The following RHOT1 variants were observed in gnomAD, a reference collection of about 807,000 sequenced individuals.
The protein encoded by RHOT1 is mitochondrial Rho GTPase 1.
In RHOT1, 27 loss-of-function variants were observed where a neutral mutation model predicts 95.3. That is an observed-to-expected ratio of 0.28 (90% CI 0.21 to 0.39). RHOT1 has a LOEUF of 0.39. Among genes scored for constraint, RHOT1 ranks in the 10% least tolerant of loss-of-function variants. The pLI is 1.00. For missense variants in RHOT1, 578 were observed against 786.7 expected (o/e 0.73, Z 3.17); for synonymous variants, 227 against 263.5 (o/e 0.86, Z 1.34).
At position 32,224,645 on chromosome 17, in the gene RHOT1, C is replaced by A. The variant is rs759496289; in HGVS notation, c.1892C>A (p.Ser631Tyr). 2 of 1,613,432 alleles carry A rather than the reference C, an allele frequency of 1.2e-6. No individual in the cohort carries two copies. Among genetic ancestry groups the A allele is most frequent in the Admixed American group, 1.7e-5 (1 of 59,982 alleles). ...GTGACACAAGCTGACCTCAAGAGCTCCACGTTTTGGCTTCGAGCAAGTTTT... is the reference window on the plus strand; with the variant it reads ...GTGACACAAGCTGACCTCAAGAGCTACACGTTTTGGCTTCGAGCAAGTTTT... ...RHVTQADLKS[S>Y]TFWLRASFGA... The change falls in exon 20 of 20, where the codon TCC (serine) becomes TAC (tyrosine). Residue 631 changes from serine to tyrosine, a missense_variant. Around this residue, in one of 4 missense-constraint regions of RHOT1, gnomAD observed 296 missense variants for 338.5 expected, o/e 0.87. Transcript: ENST00000545287.
At chr17:32,180,441 C>T (rs1457795162) in intron 6 of RHOT1, among the ~76,000 whole-genome samples, 1 of 151,876 alleles carries the variant, frequency 6.6e-6, no homozygotes, top group Non-Finnish European at 1.5e-5. Flanking sequence ...CTTTGTTAAA[C>T]AGATGCTTGA....
intron 8 of RHOT1, among the ~76,000 whole-genome samples, chr17:32,184,224 T>C (rs1028781356): frequency 7.2e-5 from 11 of 152,106 alleles, no homozygotes; most frequent in African/African-American, 2.7e-4. Context: ...CTGTACCTAT[T>C]AGCAGTCACT....
intron 12 of RHOT1, 75 bp from the exon 13 acceptor site, chr17:32,199,330 C>T: frequency 7.2e-7 from 1 of 1,383,510 alleles, no homozygotes; most frequent in Admixed American, 2.4e-5. Context: ...CATAGCTTTA[C>T]TAGATTGGGG....
chr17:32,165,336 C>CAAAAAAAAAAAAAAAA (rs773728913), intron 1 of RHOT1, among the ~76,000 whole-genome samples: 2 of 34,320 alleles, frequency 5.8e-5, no homozygotes, highest in East Asian at 8.6e-4. Flanking sequence ...GACTCCGTCT[C>CAAAAAAAAAAAAAAAA]AAAAAAAAAA....
At chr17:32,194,333 A>AG (rs1335112044) in intron 11 of RHOT1, among the ~76,000 whole-genome samples, 1 of 152,118 alleles carries the variant, frequency 6.6e-6, no homozygotes, top group Non-Finnish European at 1.5e-5. Context: ...ACACATGGGG[A>AG]GGTGGGCTTC....
intron 11 of RHOT1, among the ~76,000 whole-genome samples, chr17:32,198,438 G>A (rs548230418): frequency 2.0e-5 from 3 of 152,336 alleles, no homozygotes; most frequent in East Asian, 3.9e-4. Context: ...GCCTGCTACA[G>A]TGGCTTATGC....
intron 11 of RHOT1, among the ~76,000 whole-genome samples, chr17:32,198,603 A>G (rs1465978170): frequency 6.6e-6 from 1 of 152,146 alleles, no homozygotes; most frequent in African/African-American, 2.4e-5. Flanking sequence ...CAGCTACTCA[A>G]GAGGCTGAGA....
Position 32,175,441 on chromosome 17 carries a change from C to G in RHOT1, c.222+79C>G, listed in dbSNP as rs367617476. 3.0e-6 allele frequency: 4 copies of G among 1,327,222 alleles called. No homozygotes were observed. In the African/African-American group the frequency reaches 4.4e-5, roughly 14 times the overall value. The allele number at this position is 1,327,222 out of a possible 1,614,324, so 82.2% of individuals were successfully genotyped here. Reference sequence around the variant, plus strand: ...TTTATGAGCCTGCCTTTTTCATTCTCTTTGTTTGTTGGTTTTTGTGTTTTT... The same window carrying G: ...TTTATGAGCCTGCCTTTTTCATTCTGTTTGTTTGTTGGTTTTTGTGTTTTT... On this transcript the variant is annotated intron_variant, in intron 4 of 19. Transcript: ENST00000545287.
At chr17:32,200,682 G>C (rs1393381642) in intron 13 of RHOT1, among the ~76,000 whole-genome samples, 1 of 151,902 alleles carries the variant, frequency 6.6e-6, no homozygotes, top group Non-Finnish European at 1.5e-5. Context: ...GCTGATGCAG[G>C]AAGATCACTT....
chr17:32,167,699 T>C (rs1444170549), intron 1 of RHOT1, among the ~76,000 whole-genome samples: 1 of 152,192 alleles, frequency 6.6e-6, no homozygotes, highest in African/African-American at 2.4e-5. Context: ...GGCATTGATA[T>C]CTGCTCTCTA....
chr17:32,173,798 T>G lies in RHOT1; in HGVS notation c.97-33T>G, dbSNP rs187535671. On this transcript the variant is annotated intron_variant, in intron 2 of 19. Coordinates refer to ENST00000545287, the MANE Select transcript of RHOT1 (RefSeq NM_001033566.3). The stretch of plus-strand genomic sequence containing the variant: ...GTTTGAGTGATAATATTCAAAGGTG[T>G]TTTTTTTTTTCTATATTTGTTTGTA... 1,088 of 1,044,536 alleles carry G rather than the reference T, an allele frequency of 1.0e-3. 6 individuals carry two copies. The African/African-American group carries it at 0.016, about 15-fold the overall frequency. The allele number at this position is 1,044,536 out of a possible 1,614,324, so 64.7% of individuals were successfully genotyped here. A position where few individuals can be genotyped will look rare whatever the true frequency, so the allele number is the denominator to read the frequency against.
intron 8 of RHOT1, among the ~76,000 whole-genome samples, chr17:32,188,864 A>G (rs2036248297): frequency 6.6e-6 from 1 of 152,200 alleles, no homozygotes; most frequent in Non-Finnish European, 1.5e-5. Context: ...AATTAATTTG[A>G]GTTATCCCTT....
At chr17:32,208,837 G>A (rs17780304) in intron 18 of RHOT1, 4,965 of 155,640 alleles carry the variant, frequency 0.032, 131 homozygotes, top group Non-Finnish European at 0.046. Flanking sequence ...TAAGTGTTAC[G>A]AGCCACAAAT....
intron 1 of RHOT1, among the ~76,000 whole-genome samples, chr17:32,161,722 T>G (rs1178777281): frequency 6.6e-6 from 1 of 152,184 alleles, no homozygotes; most frequent in Non-Finnish European, 1.5e-5. Context: ...TGTCATAATT[T>G]TGCAAAGGCA....
intron 19 of RHOT1, among the ~76,000 whole-genome samples, chr17:32,218,112 C>T (rs1567733475): frequency 6.6e-6 from 1 of 152,008 alleles, no homozygotes; most frequent in Non-Finnish European, 1.5e-5. Context: ...ATCTGGCTAC[C>T]TCGGCCTCCC....
intron 18 of RHOT1, chr17:32,208,517 ATAT>A: frequency 1.8e-6 from 1 of 558,242 alleles, no homozygotes; most frequent in South Asian, 2.1e-5. Flanking sequence ...CAATATCTGT[ATAT>A]TTTTGAGCAG....
intron 14 of RHOT1, 113 bp downstream of exon 14, chr17:32,201,169 T>G (rs2037290621): frequency 1.8e-6 from 1 of 569,482 alleles, no homozygotes; most frequent in Non-Finnish European, 3.0e-6. Flanking sequence ...CCATCTACAC[T>G]CTATTAGTTT....
chr17:32,184,352 C>T (rs1287286913), intron 8 of RHOT1, among the ~76,000 whole-genome samples: 1 of 152,120 alleles, frequency 6.6e-6, no homozygotes, highest in Non-Finnish European at 1.5e-5. Context: ...CCTTTTGTTT[C>T]TGGCTTCTTT....
At chr17:32,219,388 A>G (rs115576760) in intron 19 of RHOT1, among the ~76,000 whole-genome samples, 2,090 of 152,244 alleles carry the variant, frequency 0.014, 53 homozygotes, top group African/African-American at 0.048. Flanking sequence ...TCAGCCCCCC[A>G]AAGATCTGGG....
Sources: allele counts gnomAD v4.1 joint callset (sites outside exome capture counted in the v4.1 genomes callset), GRCh38; gene constraint gnomAD v4.1.1; regional missense constraint gnomAD v4.1.1; transcripts MANE v1.5; gene names NCBI Gene and HGNC (gene_info 2026-07-23, HGNC 2026-07-21).